The following TBX6 variants were observed in gnomAD, a reference collection of about 807,000 sequenced individuals.
TBX6 encodes T-box transcription factor 6.
In TBX6, 29 loss-of-function variants were observed where a neutral mutation model predicts 42.3. That is an observed-to-expected ratio of 0.69 (90% CI 0.51 to 0.93). TBX6 has a LOEUF of 0.93. TBX6 is among the 40% of genes least tolerant of loss of function. The pLI is 0.00. For missense variants in TBX6, 569 were observed against 603.3 expected, an observed-to-expected ratio of 0.94 and a Z score of 0.59; for synonymous variants, 249 against 245.1, an observed-to-expected ratio of 1.02 and a Z score of -0.15.
intron 6 of TBX6, among the ~76,000 whole-genome samples, chr16:30,087,671 T>TGCAGCCACGCCACAGGC (rs1368112314): frequency 6.6e-6 from 1 of 152,116 alleles, no homozygotes; most frequent in Non-Finnish European, 1.5e-5. Flanking sequence ...GTCACTCCAC[T>TGCAGCCACGCCACAGGC]GCAGCCACGC....
At chr16:30,089,560 G>C (rs943836856) in intron 3 of TBX6, among the ~76,000 whole-genome samples, 1 of 151,970 alleles carries the variant, frequency 6.6e-6, no homozygotes. Context: ...ACTTGAGCCT[G>C]GGAAGTCAAG....
At chr16:30,090,678 C>T in intron 3 of TBX6, 80 bp downstream of exon 3, 9 of 1,416,966 alleles carry the variant, frequency 6.4e-6, no homozygotes, top group Non-Finnish European at 8.6e-6. Context: ...GGGAACCACC[C>T]AGTCCTAGCC....
rs760965048 is a variant in TBX6 at position 30,086,675 on chromosome 16, C to T, written c.934G>A (p.Asp312Asn). Residue 312 changes from aspartate to asparagine, a missense_variant, in exon 8 of 9, where the codon GAC becomes AAC. Transcript: ENST00000395224. This position sits in a 1 kb window ranked among gnomAD's most constrained non-coding sequence, Gnocchi z 4.6. ...CGAATGTCTCCACCCAGGGTGGAGT[C>T]GCAGGGACCACCTGGTGTGTCTGGG... The part of the protein sequence containing the change: ...GSGDTPGGPC[D>N]STLGGDIRES... The T allele has an allele frequency of 4.3e-6, 7 of 1,611,376 alleles. No homozygotes were observed. The highest frequency in any genetic ancestry group is 2.2e-5 in the East Asian group (1 of 44,818).
At chr16:30,087,029 G>A (rs2072645205) in intron 6 of TBX6, 178 bp from the exon 7 acceptor site, 5 of 724,920 alleles carry the variant, frequency 6.9e-6, no homozygotes, top group Non-Finnish European at 1.1e-5. Context: ...CTAGAAAGTG[G>A]CAGAGCTGGA....
rs2072632545 is a variant in TBX6 at position 30,086,513 on chromosome 16, T to C, written c.1096A>G (p.Arg366Gly). The C allele has an allele frequency of 8.0e-6, 12 of 1,502,900 alleles. No homozygotes were observed. Among genetic ancestry groups the C allele is most frequent in the Non-Finnish European group, 9.7e-6 (11 of 1,129,206 alleles). 93.1% of individuals were successfully genotyped at this position (1,502,900 alleles called of 1,614,324 possible). ...FHGAPSHLPT[R>G]SPSFPEAPDS... ...CGCCTGGTCCCCTGTCCCACTCACC[T>C]GGTGGGAAGGTGACTGGGGGCCCCA... The change falls in exon 8 of 9, where the codon AGG (arginine) becomes GGG (glycine). Residue 366 changes from arginine to glycine, a missense_variant and splice_region_variant. This residue lies in a region of TBX6 where 245 missense variants were observed against 227.4 expected (regional missense o/e 1.08). Transcript: ENST00000395224. The surrounding 1 kb of genome is among the most constrained non-coding windows in gnomAD (Gnocchi z 4.6).
intron 1 of TBX6, 195 bp from the exon 2 acceptor site, chr16:30,091,436 C>G: frequency 2.1e-6 from 1 of 467,246 alleles, no homozygotes; most frequent in East Asian, 3.6e-5. Context: ...CTTCATTAGC[C>G]TCGACCCCCT....
Position 30,085,850 on chromosome 16 carries a change from C to G in TBX6, c.*375G>C, listed in dbSNP as rs2072616549. The stretch of plus-strand genomic sequence containing the variant: ...TAACAAAAATACTCTGGTCCCAGAA[C>G]AACAGACTGGTGTGGCCTGCACCAG... On this transcript the variant is annotated 3_prime_UTR_variant, in exon 9 of 9. Coordinates refer to ENST00000395224, the MANE Select transcript of TBX6 (RefSeq NM_004608.4). The G allele has an allele frequency of 3.9e-6, 1 of 258,740 alleles. No individual in the cohort carries two copies. The highest frequency in any genetic ancestry group is 6.0e-5 in the Admixed American group (1 of 16,630). The allele number at this position is 258,740 out of a possible 1,614,324, so 16.0% of individuals were successfully genotyped here.
In TBX6 at chr16:30,088,863, A is replaced by AT. The variant is rs2072679265; in HGVS notation, c.622-25dup. 9 of 1,611,260 alleles carry AT rather than the reference A, an allele frequency of 5.6e-6. No homozygotes were observed. The highest frequency in any genetic ancestry group is 5.9e-6 in the Non-Finnish European group (7 of 1,177,892). ...AGCTGGGAGGGAGGAAATGGGAGTGATTCCCTGCCCTGCGCCTCACCCTTG... is the reference window on the plus strand; with the variant it reads ...AGCTGGGAGGGAGGAAATGGGAGTGATTTCCCTGCCCTGCGCCTCACCCTTG... On this transcript the variant is annotated intron_variant, in intron 4 of 8. Coordinates refer to ENST00000395224, the MANE Select transcript of TBX6 (RefSeq NM_004608.4). The surrounding 1 kb of genome is among the most constrained non-coding windows in gnomAD (Gnocchi z 4.1).
At position 30,086,005 on chromosome 16, in the gene TBX6, A is replaced by C; in HGVS notation, c.*220T>G. 5.9e-5 allele frequency: 30 copies of C among 506,104 alleles called. No individual in the cohort carries two copies. Among genetic ancestry groups the C allele is most frequent in the Non-Finnish European group, 6.2e-5 (18 of 290,136 alleles). 31.4% of individuals were successfully genotyped at this position (506,104 alleles called of 1,614,324 possible). A position where few individuals can be genotyped will look rare whatever the true frequency, so the allele number is the denominator to read the frequency against. The stretch of plus-strand genomic sequence containing the variant: ...ATTCACACGGAGGTGAGAGCCGGGA[A>C]GGGGAAGCCGGCCCCAGCTGGACTC... On this transcript the variant is annotated 3_prime_UTR_variant, in exon 9 of 9. Transcript: ENST00000395224. This position sits in a 1 kb window ranked among gnomAD's most constrained non-coding sequence, Gnocchi z 4.6.
At position 30,088,832 on chromosome 16, in the gene TBX6, A is replaced by G; in HGVS notation, c.629T>C (p.Leu210Pro). 1 of 1,613,890 alleles carries G rather than the reference A, an allele frequency of 6.2e-7. No individual in the cohort carries two copies. ...GGGTTGGTACTTGTGCATGGAGTGC[A>G]GGATCAGCTGGGAGGGAGGAAATGG... is the stretch of plus-strand genomic sequence containing the variant. Reference protein sequence around the residue: ...STLDPHGHLILHSMHKYQPRI... With the variant: ...STLDPHGHLIPHSMHKYQPRI... The change falls in exon 5 of 9, where the codon CTG becomes CCG. Residue 210 changes from leucine (L) to proline (P), a missense_variant. By Grantham distance (98) the Leu-to-Pro change is moderately conservative (BLOSUM62 -3). This residue lies in a region of TBX6 where 190 missense variants were observed against 250.6 expected (regional missense o/e 0.76). Coordinates refer to ENST00000395224, the MANE Select transcript of TBX6 (RefSeq NM_004608.4). This position sits in a 1 kb window ranked among gnomAD's most constrained non-coding sequence, Gnocchi z 4.1.
At position 30,088,805 on chromosome 16, in the gene TBX6, CG is replaced by C; in HGVS notation, c.655del (p.Arg219AlafsTer4). On this transcript the variant is annotated frameshift_variant, in exon 5 of 9. Coordinates refer to ENST00000395224, the MANE Select transcript of TBX6 (RefSeq NM_004608.4). LOFTEE classifies it high-confidence loss of function. The surrounding 1 kb of genome is among the most constrained non-coding windows in gnomAD (Gnocchi z 4.1). ...CTGGGCTGCCCGAACTAGGTGTATG[CG>C]GGGTTGGTACTTGTGCATGGAGTGC... Reference protein sequence around the residue: ...ILHSMHKYQPRIHLVRAAQLC... With the variant: ...ILHSMHKYQPXIHLVRAAQLC... 1 of 1,614,024 alleles carries C rather than the reference CG, an allele frequency of 6.2e-7. No individual in the cohort carries two copies. Among genetic ancestry groups the C allele is most frequent in the Non-Finnish European group, 8.5e-7 (1 of 1,179,958 alleles).
In TBX6 at chr16:30,088,421, G is replaced by T; in HGVS notation, c.839+124C>A. On this transcript the variant is annotated intron_variant, in intron 6 of 8. Transcript: ENST00000395224. The surrounding 1 kb of genome is among the most constrained non-coding windows in gnomAD (Gnocchi z 4.1). ...AGCAGGTACTATATAAGTATTTGCT[G>T]AGTCAGTGAATGAATGTTTTCACTT... 1.5e-6 allele frequency: 2 copies of T among 1,324,182 alleles called. No homozygotes were observed. Among genetic ancestry groups the T allele is most frequent in the African/African-American group, 1.4e-5 (1 of 69,446 alleles). 82.0% of individuals were successfully genotyped at this position (1,324,182 alleles called of 1,614,324 possible). A position where few individuals can be genotyped will look rare whatever the true frequency, so the allele number is the denominator to read the frequency against.
At position 30,090,822 on chromosome 16, in the gene TBX6, T is replaced by A; in HGVS notation, c.289A>T (p.Asn97Tyr). The A allele has an allele frequency of 6.2e-7, 1 of 1,603,596 alleles. No homozygotes were observed. The highest frequency in any genetic ancestry group is 8.5e-7 in the Non-Finnish European group (1 of 1,174,624). ...SLPGVSLSLENRELWKEFSSV... is the reference protein window; with the variant it reads ...SLPGVSLSLEYRELWKEFSSV... ...CTGAACTCCTTCCATAGCTCCCGGT[T>A]CTCCAGGCTCAGGCTGACCCCCGGG... is the stretch of plus-strand genomic sequence containing the variant. Residue 97 changes from asparagine (N) to tyrosine (Y), a missense_variant, in exon 3 of 9, where the codon AAC (asparagine) becomes TAC (tyrosine). This residue lies in a region of TBX6 where 190 missense variants were observed against 250.6 expected (regional missense o/e 0.76). Transcript: ENST00000395224.
Position 30,090,751 on chromosome 16 carries a change from C to T in TBX6, c.353+7G>A, listed in dbSNP as rs766651143. ...ACCAGAAACACGGACCCTGGCCAGC[C>T]CCTCACCTCCCAGCTTTGGTGATGA... On this transcript the variant is annotated splice_region_variant and intron_variant, in intron 3 of 8. Transcript: ENST00000395224. The T allele has an allele frequency of 4.3e-6, 7 of 1,609,888 alleles. No individual in the cohort carries two copies. In the East Asian group the frequency reaches 1.6e-4, roughly 36 times the overall value.
Position 30,091,195 on chromosome 16 carries a change from T to A in TBX6, c.-2A>T. 1 of 1,563,716 alleles carries A rather than the reference T, an allele frequency of 6.4e-7. No homozygotes were observed. The highest frequency in any genetic ancestry group is 8.6e-7 in the Non-Finnish European group (1 of 1,156,776). ...GTACAATTCTCGTGGATGGTACATG[T>A]TGTAGTTCCGTCTGGCCTCAGGTCT... is the stretch of plus-strand genomic sequence containing the variant. On this transcript the variant is annotated 5_prime_UTR_variant, in exon 2 of 9. Coordinates refer to ENST00000395224, the MANE Select transcript of TBX6 (RefSeq NM_004608.4).
intron 3 of TBX6, 38 bp from the exon 4 acceptor site, chr16:30,089,248 C>T (rs770656826): frequency 6.3e-7 from 1 of 1,590,532 alleles, no homozygotes; most frequent in African/African-American, 1.3e-5. Context: ...CTGGAGCTAC[C>T]CACTGGCCAG....
chr16:30,090,011 TG>T (rs1371174188), intron 3 of TBX6, among the ~76,000 whole-genome samples: 3 of 151,376 alleles, frequency 2.0e-5, no homozygotes, highest in Admixed American at 6.6e-5. Context: ...ATTTTACATT[TG>T]GGGAAACAGG....
In TBX6 at chr16:30,086,387, C is replaced by T. The variant is rs201140031; in HGVS notation, c.1149G>A (p.Ser383=). 8.0e-4 allele frequency: 1,260 copies of T among 1,568,686 alleles called. 1 individual carries two copies. The highest frequency in any genetic ancestry group is 5.7e-3 in the African/African-American group (413 of 72,164). ...APDSGRSAPY[S]AAFLELPHGS... Reference sequence around the variant, plus strand: ...CGTGCGGCAGCTCCAGAAATGCAGCCGAGTAGGGGGCTGAGCGCCCGGAGT... The same window carrying T: ...CGTGCGGCAGCTCCAGAAATGCAGCTGAGTAGGGGGCTGAGCGCCCGGAGT... The change falls in exon 9 of 9, where the codon TCG becomes TCA. Residue 383 remains serine (S), a synonymous_variant. Transcript: ENST00000395224. This position sits in a 1 kb window ranked among gnomAD's most constrained non-coding sequence, Gnocchi z 4.6.
chr16:30,088,626 A>G lies in TBX6; in HGVS notation c.769-11T>C. The G allele has an allele frequency of 6.2e-7, 1 of 1,614,178 alleles. No individual in the cohort carries two copies. Among genetic ancestry groups the G allele is most frequent in the Non-Finnish European group, 8.5e-7 (1 of 1,180,034 alleles). ...CTTCAGTTGTGTGATCTGGGGACAC[A>G]CATGCAGGGTCAAAGCAACTGCGGT... is the stretch of plus-strand genomic sequence containing the variant. On this transcript the variant is annotated splice_polypyrimidine_tract_variant and intron_variant, in intron 5 of 8. Coordinates refer to ENST00000395224, the MANE Select transcript of TBX6 (RefSeq NM_004608.4). This position sits in a 1 kb window ranked among gnomAD's most constrained non-coding sequence, Gnocchi z 4.1.
Sources: gnomAD v4.1 joint callset for allele counts (sites outside exome capture counted in the v4.1 genomes callset) on GRCh38, gnomAD v4.1.1 for gene constraint, gnomAD v4.1.1 regional missense constraint, Gnocchi (gnomAD v3.1) non-coding constraint, MANE v1.5 for transcripts, NCBI Gene and HGNC (gene_info 2026-07-23, HGNC 2026-07-21) for gene names.